The following SPTBN5 variants were observed in gnomAD, a reference collection of about 807,000 sequenced individuals.
The protein encoded by SPTBN5 is spectrin beta, non-erythrocytic 5.
Under a neutral mutation model 477.6 loss-of-function variants are expected in SPTBN5, and 513 were observed. The ratio of observed to expected loss-of-function variants is 1.07; its 90% confidence interval spans 1.00 to 1.16. SPTBN5 has a LOEUF of 1.16. Ranked by LOEUF, SPTBN5 falls within the 50% of genes most tolerant of loss-of-function variation. The pLI, the probability that SPTBN5 is intolerant of heterozygous loss-of-function variation, is 0.00. For missense variants in SPTBN5, 5,062 were observed against 4,731.8 expected (o/e 1.07, Z -2.05); for synonymous variants, 2,169 against 2,011.7 (o/e 1.08, Z -2.09).
chr15:41,869,935 G>C lies in SPTBN5; in HGVS notation c.5759C>G (p.Ala1920Gly). 1 of 1,554,974 alleles carries C rather than the reference G, an allele frequency of 6.4e-7. No individual in the cohort carries two copies. The highest frequency in any genetic ancestry group is 8.7e-7 in the Non-Finnish European group (1 of 1,148,622). The change falls in exon 32 of 68, where the codon GCT (alanine) becomes GGT (glycine). Residue 1920 changes from alanine (A) to glycine (G), a missense_variant. By Grantham distance (60) the Ala-to-Gly change is moderately conservative. Coordinates refer to ENST00000320955, the MANE Select transcript of SPTBN5 (RefSeq NM_016642.4). ...QAHAVQQRQQ[A>G]VTQAWAVLQR... ...CAGCACTGCCCACGCCTGCGTCACA[G>C]CTTGCTGCCTCTGCTGCACCGCATG...
At position 41,885,921 on chromosome 15, in the gene SPTBN5, G is replaced by A. The variant is rs1445016493; in HGVS notation, c.1334C>T (p.Ala445Val). Reference sequence around the variant, plus strand: ...TCTGGCCTGGTCTAGCACCTGCTCTGCATCCTTAAGGAAACTCTCCCGGAG... The same window carrying A: ...TCTGGCCTGGTCTAGCACCTGCTCTACATCCTTAAGGAAACTCTCCCGGAG... ...AALRESFLKD[A>V]EQVLDQARAP... The change falls in exon 7 of 68, where the codon GCA (alanine) becomes GTA (valine). Residue 445 changes from alanine to valine, a missense_variant. Ala to Val is a moderately conservative substitution (Grantham distance 64). Coordinates refer to ENST00000320955, the MANE Select transcript of SPTBN5 (RefSeq NM_016642.4). The A allele has an allele frequency of 6.3e-7, 1 of 1,580,378 alleles. No individual in the cohort carries two copies. The highest frequency in any genetic ancestry group is 1.7e-4 in the Middle Eastern group (1 of 5,974).
At position 41,848,163 on chromosome 15, in the gene SPTBN5, C is replaced by G; in HGVS notation, c.*453G>C. The stretch of plus-strand genomic sequence containing the variant: ...TACAAATGTGAGGCGCTGAGACCAT[C>G]TGTTATTACTGCTGAGAAGGGCCAT... On this transcript the variant is annotated 3_prime_UTR_variant, in exon 68 of 68. Coordinates refer to ENST00000320955, the MANE Select transcript of SPTBN5 (RefSeq NM_016642.4). The G allele has an allele frequency of 3.7e-6, 2 of 537,718 alleles. No homozygotes were observed. The highest frequency in any genetic ancestry group is 6.7e-6 in the Non-Finnish European group (2 of 299,200). The allele number at this position is 537,718 out of a possible 1,614,324, so 33.3% of individuals were successfully genotyped here. A position where few individuals can be genotyped will look rare whatever the true frequency, so the allele number is the denominator to read the frequency against.
At chr15:41,859,333 A>C (rs1037485111) in intron 47 of SPTBN5, among the ~76,000 whole-genome samples, 1 of 151,956 alleles carries the variant, frequency 6.6e-6, no homozygotes, top group Non-Finnish European at 1.5e-5. Flanking sequence ...TAAATTTTGT[A>C]TTTTTAGTAG....
chr15:41,878,028 G>C (rs941287858), intron 17 of SPTBN5, among the ~76,000 whole-genome samples: 14 of 152,160 alleles, frequency 9.2e-5, no homozygotes, highest in East Asian at 5.8e-4. Flanking sequence ...CGGCAGGGGG[G>C]GCTAGACGCC....
chr15:41,887,119 G>A (rs917270622), intron 6 of SPTBN5, 94 bp downstream of exon 6: 2 of 1,198,436 alleles, frequency 1.7e-6, no homozygotes, highest in Non-Finnish European at 2.4e-6. Flanking sequence ...ACTTGGCCAA[G>A]GCCACACAGC....
At chr15:41,874,761 C>T (rs990007804) in intron 23 of SPTBN5, 81 bp downstream of exon 23, 37 of 1,409,122 alleles carry the variant, frequency 2.6e-5, no homozygotes, top group African/African-American at 4.3e-5. Flanking sequence ...CTGGACACCC[C>T]GGTCCTGTGG....
intron 60 of SPTBN5, 37 bp from the exon 61 acceptor site, chr15:41,852,772 G>GGGA: frequency 6.3e-7 from 1 of 1,582,930 alleles, no homozygotes; most frequent in Non-Finnish European, 8.5e-7. Flanking sequence ...CCCAGCTTGG[G>GGGA]GGGGGGGGCC....
At chr15:41,877,047 G>C in intron 18 of SPTBN5, 69 bp downstream of exon 18, 1 of 1,600,276 alleles carries the variant, frequency 6.2e-7, no homozygotes, top group Admixed American at 1.7e-5. Context: ...CCTGGCTTCT[G>C]GACTCAAGGG....
intron 14 of SPTBN5, 70 bp downstream of exon 14, chr15:41,880,090 A>T: frequency 6.6e-7 from 1 of 1,503,822 alleles, no homozygotes; most frequent in Non-Finnish European, 8.9e-7. Flanking sequence ...TGGAAAACTG[A>T]GTCACAGCAG....
Position 41,869,927 on chromosome 15 carries a change from G to C in SPTBN5, c.5767C>G (p.Gln1923Glu). The C allele has an allele frequency of 6.4e-7, 1 of 1,553,782 alleles. No individual in the cohort carries two copies. The highest frequency in any genetic ancestry group is 8.7e-7 in the Non-Finnish European group (1 of 1,148,618). The change falls in exon 32 of 68, where the codon CAG (glutamine) becomes GAG (glutamate). Residue 1923 changes from glutamine to glutamate, a missense_variant. By Grantham distance (29) the Gln-to-Glu change is conservative (BLOSUM62 2). Coordinates refer to ENST00000320955, the MANE Select transcript of SPTBN5 (RefSeq NM_016642.4). The stretch of plus-strand genomic sequence containing the variant: ...CGTCGCTGCAGCACTGCCCACGCCT[G>C]CGTCACAGCTTGCTGCCTCTGCTGC... ...AVQQRQQAVT[Q>E]AWAVLQRRME...
Position 41,855,357 on chromosome 15 carries a change from CT to C in SPTBN5, c.9289del (p.Arg3097GlyfsTer25). On this transcript the variant is annotated frameshift_variant, in exon 55 of 68. Transcript: ENST00000320955. LOFTEE classifies it high-confidence loss of function. Reference protein sequence around the residue: ...HAELLRRAEARGHGLQEQLQL... With the variant: ...HAELLRRAEAXGHGLQEQLQL... The stretch of plus-strand genomic sequence containing the variant: ...CAGCTGCTCCTGCAGGCCGTGCCCC[CT>C]GGCCTCCGCCCTCCGCAGCAGCTCT... The C allele has an allele frequency of 6.2e-7, 1 of 1,605,840 alleles. No individual in the cohort carries two copies. Among genetic ancestry groups the C allele is most frequent in the Non-Finnish European group, 8.5e-7 (1 of 1,179,682 alleles).
chr15:41,865,196 A>T (rs2066258284), intron 39 of SPTBN5, among the ~76,000 whole-genome samples: 1 of 152,192 alleles, frequency 6.6e-6, no homozygotes, highest in Non-Finnish European at 1.5e-5. Flanking sequence ...TATACCACAT[A>T]AGAGAAATAG....
At position 41,882,448 on chromosome 15, in the gene SPTBN5, G is replaced by A. The variant is rs368565633; in HGVS notation, c.2068C>T (p.Arg690Cys). The change falls in exon 11 of 68, where the codon CGC becomes TGC. Residue 690 changes from arginine (R) to cysteine (C), a missense_variant. By Grantham distance (180) the Arg-to-Cys change is radical. Coordinates refer to ENST00000320955, the MANE Select transcript of SPTBN5 (RefSeq NM_016642.4). ...AGATCTACGCACACGGCCTGGTGGC[G>A]GTGGACCTCAGCTTCCAGGGCCTAG... ...KHKALEAEVH[R>C]HQAVCVDLVR... 3 of 1,552,006 alleles carry A rather than the reference G, an allele frequency of 1.9e-6. No individual in the cohort carries two copies. The highest frequency in any genetic ancestry group is 1.4e-5 in the African/African-American group (1 of 73,792).
At chr15:41,849,199 C>G (rs1471266064) in intron 67 of SPTBN5, among the ~76,000 whole-genome samples, 2 of 152,236 alleles carry the variant, frequency 1.3e-5, no homozygotes, top group South Asian at 2.1e-4. Context: ...GCCTGAAGCC[C>G]TCTGGTTTGG....
In SPTBN5 at chr15:41,869,950, T is replaced by C; in HGVS notation, c.5744A>G (p.Gln1915Arg). 6.4e-7 allele frequency: 1 copy of C among 1,554,206 alleles called. No individual in the cohort carries two copies. Among genetic ancestry groups the C allele is most frequent in the Non-Finnish European group, 8.7e-7 (1 of 1,147,572 alleles). ...LCPGPQAHAV[Q>R]QRQQAVTQAW... Reference sequence around the variant, plus strand: ...CTGCGTCACAGCTTGCTGCCTCTGCTGCACCGCATGGGCCTGAGGCCCCGG... The same window carrying C: ...CTGCGTCACAGCTTGCTGCCTCTGCCGCACCGCATGGGCCTGAGGCCCCGG... The change falls in exon 32 of 68, where the codon CAG becomes CGG. Residue 1915 changes from glutamine to arginine, a missense_variant. Physicochemically the swap from Gln to Arg is conservative, Grantham distance 43 (BLOSUM62 1). Transcript: ENST00000320955.
In SPTBN5 at chr15:41,885,587, T is replaced by G. The variant is rs1595510130; in HGVS notation, c.1520+148A>C. ...CTGATAGTGGGCTTGCAAGCATCAC[T>G]GGGAGATAGATCTTTGTAGAGGGAT... is the stretch of plus-strand genomic sequence containing the variant. On this transcript the variant is annotated intron_variant, in intron 7 of 67. Coordinates refer to ENST00000320955, the MANE Select transcript of SPTBN5 (RefSeq NM_016642.4). 4.0e-6 allele frequency: 4 copies of G among 1,006,250 alleles called. No homozygotes were observed. In the East Asian group the frequency reaches 1.1e-4, roughly 27 times the overall value. The allele number at this position is 1,006,250 out of a possible 1,614,324, so 62.3% of individuals were successfully genotyped here. A position where few individuals can be genotyped will look rare whatever the true frequency, so the allele number is the denominator to read the frequency against.
At position 41,857,472 on chromosome 15, in the gene SPTBN5, A is replaced by G; in HGVS notation, c.8387T>C (p.Met2796Thr). The G allele has an allele frequency of 1.2e-6, 2 of 1,608,666 alleles. No individual in the cohort carries two copies. The highest frequency in any genetic ancestry group is 1.7e-6 in the Non-Finnish European group (2 of 1,176,948). The change falls in exon 51 of 68, where the codon ATG becomes ACG. Residue 2796 changes from methionine (M) to threonine (T), a missense_variant. Physicochemically the swap from Met to Thr is moderately conservative, Grantham distance 81 (BLOSUM62 -1). Transcript: ENST00000320955. ...CTCCAGCCAGTTCTCCAGTTCCTCC[A>G]TGCTCCGCCGCAGACGCAGGGCCTA... ...ACEALRLRRS[M>T]EELENWLEPI...
At chr15:41,851,896 C>T (rs1170229610) in intron 62 of SPTBN5, 46 bp from the exon 63 acceptor site, 3 of 1,525,016 alleles carry the variant, frequency 2.0e-6, no homozygotes, top group Non-Finnish European at 2.7e-6. Context: ...CCAGCACCCT[C>T]AGGAAGGTGG....
At position 41,857,424 on chromosome 15, in the gene SPTBN5, G is replaced by A. The variant is rs774462052; in HGVS notation, c.8435C>T (p.Ala2812Val). ...WLEPIEVELR[A>V]PTVGQALPGV... ...AGGCAGGGCCTGGCCCACAGTGGGG[G>A]CTCTCAGCTCAACCTCGATGGGCTC... The change falls in exon 51 of 68, where the codon GCC (alanine) becomes GTC (valine). Residue 2812 changes from alanine (A) to valine (V), a missense_variant. By Grantham distance (64) the Ala-to-Val change is moderately conservative. Coordinates refer to ENST00000320955, the MANE Select transcript of SPTBN5 (RefSeq NM_016642.4). The A allele has an allele frequency of 2.5e-6, 4 of 1,602,666 alleles. No homozygotes were observed. Among genetic ancestry groups the A allele is most frequent in the South Asian group, 2.2e-5 (2 of 89,000 alleles).
Sources: allele counts gnomAD v4.1 joint callset (sites outside exome capture counted in the v4.1 genomes callset), GRCh38; gene constraint gnomAD v4.1.1; transcripts MANE v1.5; gene names NCBI Gene and HGNC (gene_info 2026-07-23, HGNC 2026-07-21).